The following TECR variants were observed in gnomAD, a reference collection of about 807,000 sequenced individuals.
TECR encodes very-long-chain enoyl-CoA reductase.
In TECR, 19 loss-of-function variants were observed where a neutral mutation model predicts 50.6. The ratio of observed to expected loss-of-function variants is 0.38; its 90% confidence interval spans 0.26 to 0.55. TECR has a LOEUF of 0.55. Ranked by LOEUF, TECR falls within the 20% of genes least tolerant of loss-of-function variation. TECR has a pLI of 0.79. For missense variants in TECR, 313 were observed against 408.3 expected, an observed-to-expected ratio of 0.77 and a Z score of 2.01; for synonymous variants, 168 against 163.5, an observed-to-expected ratio of 1.03 and a Z score of -0.21.
intron 1 of TECR, among the ~76,000 whole-genome samples, chr19:14,552,682 C>T (rs1218384296): frequency 6.6e-6 from 1 of 151,370 alleles, no homozygotes; most frequent in African/African-American, 2.4e-5. Flanking sequence ...CTACAGGCAC[C>T]CGCCACCATG....
intron 1 of TECR, among the ~76,000 whole-genome samples, chr19:14,543,442 TTTTTTTTTTTTTTTG>T (rs1412130008): frequency 3.7e-5 from 2 of 54,502 alleles, no homozygotes; most frequent in Non-Finnish European, 3.9e-5. Flanking sequence ...TTTTTTTTTT[TTTTTTTTTTTTTTTG>T]AGACGGAGTC....
chr19:14,552,774 G>T (rs1287581633), intron 1 of TECR, among the ~76,000 whole-genome samples: 6 of 151,542 alleles, frequency 4.0e-5, no homozygotes, highest in African/African-American at 7.3e-5. Context: ...CTGACCTCGT[G>T]ATCCACCCGC....
upstream of TECR, among the ~76,000 whole-genome samples, chr19:14,528,074 G>C (rs2072469628): frequency 1.3e-5 from 2 of 151,394 alleles, no homozygotes; most frequent in Non-Finnish European, 2.9e-5. Flanking sequence ...AGTAGAGACA[G>C]GGTTTCACCA....
At chr19:14,542,347 G>GGTTTT (rs2073124658) in intron 1 of TECR, among the ~76,000 whole-genome samples, 3 of 43,300 alleles carry the variant, frequency 6.9e-5, no homozygotes, top group Admixed American at 3.6e-4. Flanking sequence ...ATGCCATAGT[G>GGTTTT]TTTTTTTTTT....
At chr19:14,543,378 T>A (rs1362811735) in intron 1 of TECR, among the ~76,000 whole-genome samples, 1 of 129,464 alleles carries the variant, frequency 7.7e-6, no homozygotes, top group Non-Finnish European at 1.6e-5. Flanking sequence ...GTATACTACT[T>A]GTTTCAGAGA....
chr19:14,558,430 ACGC>A (rs1445428952), intron 1 of TECR, among the ~76,000 whole-genome samples: 1 of 151,812 alleles, frequency 6.6e-6, no homozygotes. Flanking sequence ...GGTGCGCTTC[ACGC>A]CGCACCGTGT....
intron 1 of TECR, among the ~76,000 whole-genome samples, chr19:14,533,548 A>G (rs77641373): frequency 0.016 from 2,432 of 152,276 alleles, 49 homozygotes; most frequent in African/African-American, 0.052. Context: ...GCAGTTTACA[A>G]CTGATAGAGG....
At chr19:14,561,662 G>A (rs1308424408) in intron 1 of TECR, among the ~76,000 whole-genome samples, 1 of 152,160 alleles carries the variant, frequency 6.6e-6, no homozygotes, top group African/African-American at 2.4e-5. Context: ...GAGGAAGGTT[G>A]GGGAGACCTC....
intron 1 of TECR, among the ~76,000 whole-genome samples, chr19:14,561,474 G>C (rs964391349): frequency 3.3e-5 from 5 of 152,290 alleles, no homozygotes; most frequent in Admixed American, 6.5e-5. Flanking sequence ...TCACTGGCCT[G>C]GGGGCTCAGG....
rs536979801 is a variant in TECR at position 14,557,027 on chromosome 19, C to T, written c.16-5498C>T. ...TGGGCCCCTTCAAGAGCATGGTCAG[C>T]GTCCCAGGAGAAGGGGCCTGTGGAT... On this transcript the variant is annotated intron_variant, in intron 1 of 12. Transcript: ENST00000215567. Among the ~76,000 whole-genome samples, 281 of 152,284 alleles carry T rather than the reference C, an allele frequency of 1.8e-3. 1 individual carries two copies. Among genetic ancestry groups the T allele is most frequent in the African/African-American group, 6.5e-3 (271 of 41,566 alleles).
intron 1 of TECR, among the ~76,000 whole-genome samples, chr19:14,548,704 A>G (rs1239074429): frequency 6.6e-6 from 1 of 152,140 alleles, no homozygotes; most frequent in South Asian, 2.1e-4. Context: ...CAGCCTCCCA[A>G]GTAGCTGGGA....
intron 1 of TECR, among the ~76,000 whole-genome samples, chr19:14,535,019 G>A (rs1295610793): frequency 1.3e-5 from 2 of 152,084 alleles, no homozygotes. Context: ...TGCTGGGAGA[G>A]GGTCTTTCTC....
chr19:14,532,122 G>A (rs1268756004), intron 1 of TECR: 1 of 152,062 alleles, frequency 6.6e-6, no homozygotes, highest in Non-Finnish European at 1.5e-5. Flanking sequence ...TTAACAGTCA[G>A]ATAAAGTAGG....
rs564938279 is a variant in TECR, at chr19:14,550,398, G to A, written c.16-12127G>A. Among the ~76,000 whole-genome samples, 21 of 152,202 alleles carry A rather than the reference G, an allele frequency of 1.4e-4. No individual in the cohort carries two copies. In the South Asian group the frequency reaches 3.4e-3, roughly 24 times the overall value. On this transcript the variant is annotated intron_variant, in intron 1 of 12. Coordinates refer to ENST00000215567, the MANE Select transcript of TECR (RefSeq NM_138501.6). ...GTGGACTAACCTGTCTGCTGGACTC[G>A]GGCAGTCGGGGGTTGGCCCGGATGA... is the stretch of plus-strand genomic sequence containing the variant.
In TECR at chr19:14,563,079, G is replaced by C; in HGVS notation, c.67-127G>C. 8.2e-7 allele frequency: 1 copy of C among 1,216,576 alleles called. No homozygotes were observed. Among genetic ancestry groups the C allele is most frequent in the Non-Finnish European group, 1.2e-6 (1 of 849,988 alleles). The allele number at this position is 1,216,576 out of a possible 1,614,324, so 75.4% of individuals were successfully genotyped here. A position where few individuals can be genotyped will look rare whatever the true frequency, so the allele number is the denominator to read the frequency against. On this transcript the variant is annotated intron_variant, in intron 2 of 12. Transcript: ENST00000215567. This position sits in a 1 kb window ranked among gnomAD's most constrained non-coding sequence, Gnocchi z 5.3. ...TTCCCTGACTGCAGGCAGAGGCCTGGACCCCAGCCCTTCCCCCTTCCCATA... is the reference window on the plus strand; with the variant it reads ...TTCCCTGACTGCAGGCAGAGGCCTGCACCCCAGCCCTTCCCCCTTCCCATA...
At chr19:14,551,656 C>T (rs2073510678) in intron 1 of TECR, among the ~76,000 whole-genome samples, 1 of 151,978 alleles carries the variant, frequency 6.6e-6, no homozygotes, top group Non-Finnish European at 1.5e-5. Context: ...CTGCCTGGGC[C>T]CCGCTGTGGT....
Position 14,559,039 on chromosome 19 carries a change from G to A in TECR, c.16-3486G>A, listed in dbSNP as rs923599592. Among the ~76,000 whole-genome samples the A allele has an allele frequency of 1.7e-4, 26 of 152,152 alleles. 1 individual carries two copies. Among genetic ancestry groups the A allele is most frequent in the Non-Finnish European group, 1.9e-4 (13 of 68,024 alleles). Reference sequence around the variant, plus strand: ...TTGGGGTGGCAGTGGGGTGTGGGGCGCGGAGCCCTCGATGAGGTCTCACAT... The same window carrying A: ...TTGGGGTGGCAGTGGGGTGTGGGGCACGGAGCCCTCGATGAGGTCTCACAT... On this transcript the variant is annotated intron_variant, in intron 1 of 12. Coordinates refer to ENST00000215567, the MANE Select transcript of TECR (RefSeq NM_138501.6).
At position 14,564,769 on chromosome 19, in the gene TECR, G is replaced by A. The variant is rs1046167276; in HGVS notation, c.490-17G>A. On this transcript the variant is annotated splice_polypyrimidine_tract_variant and intron_variant, in intron 7 of 12. Coordinates refer to ENST00000215567, the MANE Select transcript of TECR (RefSeq NM_138501.6). ...CGGTGCTGGCCCAAGTCCCATCCCT[G>A]CCCTGCTCCCTTTCAGAACTGCACC... The A allele has an allele frequency of 6.2e-7, 1 of 1,611,150 alleles. No homozygotes were observed.
intron 1 of TECR, among the ~76,000 whole-genome samples, chr19:14,539,993 C>A (rs989721185): frequency 6.6e-6 from 1 of 152,044 alleles, no homozygotes; most frequent in South Asian, 2.1e-4. Flanking sequence ...GATTCTCCTG[C>A]CTCAGCCTCC....
Sources: allele counts gnomAD v4.1 joint callset (sites outside exome capture counted in the v4.1 genomes callset), GRCh38; gene constraint gnomAD v4.1.1; non-coding constraint Gnocchi (gnomAD v3.1); transcripts MANE v1.5; gene names NCBI Gene and HGNC (gene_info 2026-07-23, HGNC 2026-07-21).